Variants in LBP observed in about 807,000 individuals in gnomAD.
LBP encodes lipopolysaccharide binding protein, also known as lipopolysaccharide-binding protein.
Under a neutral mutation model 56.6 loss-of-function variants are expected in LBP, and 53 were observed. The observed-to-expected ratio is 0.94, with a 90% CI of 0.75 to 1.18. The LOEUF (loss-of-function observed/expected upper bound fraction) is 1.18. Ranked by LOEUF, LBP falls within the 50% of genes most tolerant of loss-of-function variation. The pLI, the probability that LBP is intolerant of heterozygous loss-of-function variation, is 0.00. For synonymous variants in LBP, 227 were observed against 247.5 expected (o/e 0.92, Z 0.78); for missense variants, 601 against 598.3 (o/e 1.00, Z -0.05).
chr20:38,375,671 A>G (rs2083954674), intron 14 of LBP, among the ~76,000 whole-genome samples: 2 of 152,198 alleles, frequency 1.3e-5, no homozygotes, highest in South Asian at 4.1e-4. Flanking sequence ...AACTATTTTC[A>G]TTATTCAAAC....
chr20:38,348,317 AT>A lies in LBP; in HGVS notation c.125-1217del, dbSNP rs766381612. On this transcript the variant is annotated intron_variant, in intron 1 of 14. Transcript: ENST00000217407. ...GGTTGGACATTTTGGTCCTTTCCATATTTTTTTTTTTTTTGAAACGGAGTCT... is the reference window on the plus strand; with the variant it reads ...GGTTGGACATTTTGGTCCTTTCCATATTTTTTTTTTTTTGAAACGGAGTCT... 5.5e-3 allele frequency among the ~76,000 whole-genome samples: 792 copies of A among 143,290 alleles called. 2 individuals are homozygous for A. The highest frequency in any genetic ancestry group is 7.1e-3 in the African/African-American group (280 of 39,460). 94.0% of individuals were successfully genotyped at this position (143,290 alleles called of 152,430 possible).
rs763355215 is a variant in LBP, at chr20:38,346,654, T to A, written c.124+14T>A. 1.9e-6 allele frequency: 3 copies of A among 1,613,020 alleles called. No homozygotes were observed. Among genetic ancestry groups the A allele is most frequent in the Non-Finnish European group, 2.5e-6 (3 of 1,179,732 alleles). ...GACTGCAGTATGGTAAGAAGCCACA[T>A]CTGCTGGCTGGACTTGGCAAACCCA... On this transcript the variant is annotated intron_variant, in intron 1 of 14. Coordinates refer to ENST00000217407, the MANE Select transcript of LBP (RefSeq NM_004139.5).
At chr20:38,347,713 T>C (rs2076805854) in intron 1 of LBP, among the ~76,000 whole-genome samples, 1 of 152,164 alleles carries the variant, frequency 6.6e-6, no homozygotes, top group African/African-American at 2.4e-5. Context: ...CCCCAGCACT[T>C]CTGTCCTGTT....
At chr20:38,358,523 T>C (rs749057072) in intron 5 of LBP, among the ~76,000 whole-genome samples, 2 of 152,148 alleles carry the variant, frequency 1.3e-5, no homozygotes, top group Admixed American at 6.5e-5. Flanking sequence ...TGGATGGAGT[T>C]TCTTGGTTCC....
At chr20:38,362,819 G>A (rs537630319) in intron 6 of LBP, among the ~76,000 whole-genome samples, 2 of 151,488 alleles carry the variant, frequency 1.3e-5, no homozygotes, top group East Asian at 3.9e-4. Context: ...ATAGTGGTGT[G>A]TGCCTGTAGT....
intron 3 of LBP, among the ~76,000 whole-genome samples, chr20:38,351,308 AGGAAGGGAAG>A (rs879746261): frequency 6.6e-6 from 1 of 152,152 alleles, no homozygotes; most frequent in Non-Finnish European, 1.5e-5. Context: ...TGGGGAAGTG[AGGAAGGGAAG>A]GGAAGGGAAG....
rs1031344036 is a variant in LBP at position 38,368,912 on chromosome 20, A to G, written c.982-83A>G. 16 of 1,395,144 alleles carry G rather than the reference A, an allele frequency of 1.1e-5. No individual in the cohort carries two copies. In the African/African-American group the frequency reaches 2.0e-4, roughly 18 times the overall value. 86.4% of individuals were successfully genotyped at this position (1,395,144 alleles called of 1,614,324 possible). ...ATAAAATCAATCGAAAGCAACTTCC[A>G]GCTTTATCTGACTCCCTCAGGCCTC... On this transcript the variant is annotated intron_variant, in intron 9 of 14. Coordinates refer to ENST00000217407, the MANE Select transcript of LBP (RefSeq NM_004139.5).
chr20:38,360,823 CAT>C, intron 6 of LBP, 56 bp downstream of exon 6: 1 of 1,299,176 alleles, frequency 7.7e-7, no homozygotes, highest in Non-Finnish European at 1.1e-6. Flanking sequence ...TCTATAAGAG[CAT>C]ATATATATCT....
rs779213959 is a variant in LBP, at chr20:38,370,753, G to C, written c.1165G>C (p.Ala389Pro). Reference sequence around the variant, plus strand: ...GCATTTCCAGGCCACTAATGTGTCCGCCACCTTGACCTTCAATACCAGCAA... The same window carrying C: ...GCATTTCCAGGCCACTAATGTGTCCCCCACCTTGACCTTCAATACCAGCAA... Reference protein sequence around the residue: ...FRLSVATNVSATLTFNTSKIT... With the variant: ...FRLSVATNVSPTLTFNTSKIT... The change falls in exon 11 of 15, where the codon GCC (alanine) becomes CCC (proline). Residue 389 changes from alanine to proline, a missense_variant. Transcript: ENST00000217407. 7.4e-6 allele frequency: 12 copies of C among 1,613,938 alleles called. No homozygotes were observed. The highest frequency in any genetic ancestry group is 1.0e-5 in the Non-Finnish European group (12 of 1,179,936).
intron 3 of LBP, among the ~76,000 whole-genome samples, chr20:38,352,440 A>T (rs2076823602): frequency 6.6e-6 from 1 of 152,204 alleles, no homozygotes; most frequent in Non-Finnish European, 1.5e-5. Flanking sequence ...AAGATTTAGG[A>T]TTAAAAAACA....
In LBP at chr20:38,354,226, C is replaced by T. The variant is rs1295896887; in HGVS notation, c.369-58C>T. 5 of 1,491,568 alleles carry T rather than the reference C, an allele frequency of 3.4e-6. 1 individual carries two copies. The South Asian group carries it at 5.0e-5, about 15-fold the overall frequency. 92.4% of individuals were successfully genotyped at this position (1,491,568 alleles called of 1,614,324 possible). On this transcript the variant is annotated intron_variant, in intron 3 of 14. Transcript: ENST00000217407. The stretch of plus-strand genomic sequence containing the variant: ...AGAACTGAGCCTTCTATTTTCCCCA[C>T]AAATGGTGGCAGACCCCTGGTCTAG...
intron 2 of LBP, among the ~76,000 whole-genome samples, chr20:38,350,074 G>T (rs1301501183): frequency 6.6e-6 from 1 of 152,136 alleles, no homozygotes. Flanking sequence ...AGGCTTCCAG[G>T]AGAAGGTGGC....
chr20:38,355,110 G>A (rs565371588), intron 4 of LBP, among the ~76,000 whole-genome samples: 7 of 152,304 alleles, frequency 4.6e-5, no homozygotes, highest in Admixed American at 4.6e-4. Context: ...AAAGAAAAAT[G>A]TGGATTCTCA....
At chr20:38,352,762 T>G (rs1469150785) in intron 3 of LBP, among the ~76,000 whole-genome samples, 1 of 152,082 alleles carries the variant, frequency 6.6e-6, no homozygotes, top group African/African-American at 2.4e-5. Flanking sequence ...CTCAAAATAA[T>G]TAATTAATTA....
At chr20:38,348,336 C>T (rs372544023) in intron 1 of LBP, among the ~76,000 whole-genome samples, 10 of 149,240 alleles carry the variant, frequency 6.7e-5, no homozygotes, top group East Asian at 5.9e-4. Context: ...TTTTTTGAAA[C>T]GGAGTCTCAC....
intron 5 of LBP, among the ~76,000 whole-genome samples, chr20:38,357,509 G>C (rs1160972515): frequency 2.0e-5 from 3 of 152,128 alleles, no homozygotes; most frequent in African/African-American, 7.2e-5. Flanking sequence ...TTGCTCTCTG[G>C]GCGATATATA....
intron 5 of LBP, among the ~76,000 whole-genome samples, chr20:38,357,798 TC>T (rs1016603187): frequency 2.0e-5 from 3 of 152,192 alleles, no homozygotes; most frequent in African/African-American, 7.2e-5. Flanking sequence ...GGCGAGGACT[TC>T]CCAGAACTGA....
chr20:38,365,701 A>ATATAT, intron 8 of LBP, among the ~76,000 whole-genome samples: 1 of 59,650 alleles, frequency 1.7e-5, no homozygotes, highest in African/African-American at 6.2e-5. Context: ...CATCTCAAAA[A>ATATAT]AAAAAAAAAA....
Position 38,355,199 on chromosome 20 carries a change from G to A in LBP, c.525-147G>A, listed in dbSNP as rs1473851922. On this transcript the variant is annotated intron_variant, in intron 4 of 14. Transcript: ENST00000217407. ...CTGGGAAGCCAGACACACCGAATCA[G>A]GCTGGATGTGCTGGGACACAGCAGG... is the stretch of plus-strand genomic sequence containing the variant. 6 of 696,858 alleles carry A rather than the reference G, an allele frequency of 8.6e-6. No homozygotes were observed. In the East Asian group the frequency reaches 1.6e-4, roughly 18 times the overall value. 43.2% of individuals were successfully genotyped at this position (696,858 alleles called of 1,614,324 possible).
Sources: allele counts gnomAD v4.1 joint callset (sites outside exome capture counted in the v4.1 genomes callset), GRCh38; gene constraint gnomAD v4.1.1; transcripts MANE v1.5; gene names NCBI Gene and HGNC (gene_info 2026-07-23, HGNC 2026-07-21).